The following LATS1 variants were observed in gnomAD, a reference collection of about 807,000 sequenced individuals.
LATS1 encodes large tumor suppressor kinase 1, also known as serine/threonine-protein kinase LATS1.
Under a neutral mutation model 106.6 loss-of-function variants are expected in LATS1, and 25 were observed. The observed-to-expected ratio is 0.23, with a 90% CI of 0.17 to 0.33. LATS1 has a LOEUF of 0.33. Among genes scored for constraint, LATS1 ranks in the 10% least tolerant of loss-of-function variants. The probability of loss-of-function intolerance (pLI) is 1.00; values close to 1 mark genes in which losing one functional copy is unlikely to be tolerated. For synonymous variants in LATS1, 465 were observed against 455.6 expected, an observed-to-expected ratio of 1.02 and a Z score of -0.26; for missense variants, 1,040 against 1,382.6, an observed-to-expected ratio of 0.75 and a Z score of 3.93.
At chr6:149,680,506 G>A in intron 4 of LATS1, 49 bp from the exon 5 acceptor site, 2 of 1,282,372 alleles carry the variant, frequency 1.6e-6, no homozygotes. Flanking sequence ...CTTCAATATT[G>A]AATATTAAGA....
Position 149,658,443 on chromosome 6 carries a change from G to A in LATS1, c.*3286C>T, listed in dbSNP as rs1231851395. ...TGCCTTCCACAAAGGGATATATTAA[G>A]GCGCTTTACAAATATACCAATATTT... On this transcript the variant is annotated 3_prime_UTR_variant, in exon 8 of 8. Coordinates refer to ENST00000543571, the MANE Select transcript of LATS1 (RefSeq NM_004690.4). 2 of 151,998 alleles carry A rather than the reference G, an allele frequency of 1.3e-5. No homozygotes were observed. The highest frequency in any genetic ancestry group is 4.8e-5 in the African/African-American group (2 of 41,396). The allele number at this position is 151,998 out of a possible 1,614,324, so 9.4% of individuals were successfully genotyped here. A position where few individuals can be genotyped will look rare whatever the true frequency, so the allele number is the denominator to read the frequency against.
intron 7 of LATS1, among the ~76,000 whole-genome samples, chr6:149,665,530 T>C (rs1206891950): frequency 6.6e-6 from 1 of 151,976 alleles, no homozygotes; most frequent in African/African-American, 2.4e-5. Context: ...GAGAACTAAA[T>C]AGGGAGCCCC....
intron 2 of LATS1, chr6:149,696,952 C>T (rs959869755): frequency 2.3e-6 from 1 of 427,576 alleles, no homozygotes; most frequent in Non-Finnish European, 4.7e-6. Context: ...ATGTAAACTA[C>T]CAAGCACAGT....
In LATS1 at chr6:149,718,066, GC is replaced by G; in HGVS notation, c.-359del. ...CCACCGCCGCCGCCGCCGCCATTTT[GC>G]CTTCCACTCAGTGTCGCCGCCGCCG... On this transcript the variant is annotated 5_prime_UTR_variant, in exon 1 of 8. Coordinates refer to ENST00000543571, the MANE Select transcript of LATS1 (RefSeq NM_004690.4). 3.1e-6 allele frequency: 1 copy of G among 321,532 alleles called. No individual in the cohort carries two copies. Among genetic ancestry groups the G allele is most frequent in the Non-Finnish European group, 6.0e-6 (1 of 165,778 alleles). The allele number at this position is 321,532 out of a possible 1,614,324, so 19.9% of individuals were successfully genotyped here. A position where few individuals can be genotyped will look rare whatever the true frequency, so the allele number is the denominator to read the frequency against.
At chr6:149,706,001 T>A (rs905935693) in intron 1 of LATS1, among the ~76,000 whole-genome samples, 1 of 150,912 alleles carries the variant, frequency 6.6e-6, no homozygotes, top group African/African-American at 2.4e-5. Context: ...CTGACCAACA[T>A]GGAGAAACCC....
intron 1 of LATS1, among the ~76,000 whole-genome samples, chr6:149,707,720 G>C (rs765157555): frequency 2.0e-5 from 3 of 152,148 alleles, no homozygotes; most frequent in Non-Finnish European, 4.4e-5. Flanking sequence ...GAAAATACTT[G>C]TGGATAAAAT....
chr6:149,692,991 G>A (rs1782855147), intron 3 of LATS1, among the ~76,000 whole-genome samples: 1 of 151,884 alleles, frequency 6.6e-6, no homozygotes, highest in South Asian at 2.1e-4. Flanking sequence ...CAGGCCAGGT[G>A]TGGTGGCTCA....
intron 1 of LATS1, 128 bp downstream of exon 1, chr6:149,717,721 G>A (rs370521414): frequency 3.2e-5 from 7 of 216,634 alleles, no homozygotes; most frequent in South Asian, 8.7e-5. Flanking sequence ...CCCGGAGCGG[G>A]CCGGCTCTGC....
chr6:149,687,683 T>G (rs1027978864), intron 3 of LATS1, among the ~76,000 whole-genome samples: 1 of 152,092 alleles, frequency 6.6e-6, no homozygotes, highest in African/African-American at 2.4e-5. Context: ...TCCTCCTTCC[T>G]CAGCCTCCCA....
intron 7 of LATS1, among the ~76,000 whole-genome samples, chr6:149,671,571 T>G (rs576722438): frequency 6.6e-6 from 1 of 152,154 alleles, no homozygotes; most frequent in East Asian, 1.9e-4. Flanking sequence ...TTCTATATTC[T>G]CTTCCATTGA....
At chr6:149,664,718 TA>T (rs945805083) in intron 7 of LATS1, among the ~76,000 whole-genome samples, 9 of 152,214 alleles carry the variant, frequency 5.9e-5, no homozygotes, top group South Asian at 2.1e-4. Context: ...GGTGACCATT[TA>T]AAAAAAATTA....
chr6:149,700,993 G>C (rs1783425721), intron 2 of LATS1, among the ~76,000 whole-genome samples: 1 of 152,186 alleles, frequency 6.6e-6, no homozygotes, highest in Non-Finnish European at 1.5e-5. Flanking sequence ...ATGTTGGTTA[G>C]GCTGGTCTGG....
At chr6:149,672,314 A>T (rs1307443860) in intron 7 of LATS1, among the ~76,000 whole-genome samples, 1 of 151,202 alleles carries the variant, frequency 6.6e-6, no homozygotes, top group Admixed American at 6.6e-5. Flanking sequence ...GGTTCAAGTG[A>T]TTCTCCTCCC....
At chr6:149,670,294 C>T (rs957891279) in intron 7 of LATS1, among the ~76,000 whole-genome samples, 2 of 150,958 alleles carry the variant, frequency 1.3e-5, no homozygotes, top group Non-Finnish European at 1.5e-5. Flanking sequence ...TAGTAAAAAC[C>T]ACAGTAGAAG....
chr6:149,676,622 C>G lies in LATS1; in HGVS notation c.2709G>C (p.Gln903His), dbSNP rs764927210. 1 of 1,614,134 alleles carries G rather than the reference C, an allele frequency of 6.2e-7. No individual in the cohort carries two copies. Residue 903 changes from glutamine (Q) to histidine (H), a missense_variant, in exon 6 of 8, where the codon CAG (glutamine) becomes CAC (histidine). Physicochemically the swap from Gln to His is conservative, Grantham distance 24. This residue lies in a region of LATS1 where 63 missense variants were observed against 64.3 expected (regional missense o/e 0.98). Coordinates refer to ENST00000543571, the MANE Select transcript of LATS1 (RefSeq NM_004690.4). ...PLERRAARQH[Q>H]RCLAHSLVGT... ...CAACCAAAGAATGTGCTAGACATCGCTGGTGCTGGCGTGCAGCTCTCCGCT... is the reference window on the plus strand; with the variant it reads ...CAACCAAAGAATGTGCTAGACATCGGTGGTGCTGGCGTGCAGCTCTCCGCT...
chr6:149,699,804 C>T (rs956123189), intron 2 of LATS1, among the ~76,000 whole-genome samples: 1 of 152,124 alleles, frequency 6.6e-6, no homozygotes, highest in Non-Finnish European at 1.5e-5. Context: ...GGGTGGGGTG[C>T]ACACATAGTA....
In LATS1 at chr6:149,658,485, T is replaced by A. The variant is rs967067206; in HGVS notation, c.*3244A>T. On this transcript the variant is annotated 3_prime_UTR_variant, in exon 8 of 8. Transcript: ENST00000543571. ...CCAATATTTTGACCCAAATTACTTT[T>A]TGCTTTAGATTAAAATGAACAGGCT... 1 of 152,204 alleles carries A rather than the reference T, an allele frequency of 6.6e-6. No individual in the cohort carries two copies. The highest frequency in any genetic ancestry group is 1.5e-5 in the Non-Finnish European group (1 of 68,012). The allele number at this position is 152,204 out of a possible 1,614,324, so 9.4% of individuals were successfully genotyped here.
chr6:149,699,629 TG>T (rs1562348746), intron 2 of LATS1, among the ~76,000 whole-genome samples: 1 of 152,190 alleles, frequency 6.6e-6, no homozygotes, highest in Non-Finnish European at 1.5e-5. Context: ...AGCACTTCAA[TG>T]AAAAAAAGCA....
intron 3 of LATS1, among the ~76,000 whole-genome samples, chr6:149,690,275 G>A (rs1307028713): frequency 2.7e-5 from 4 of 146,582 alleles, no homozygotes; most frequent in African/African-American, 1.0e-4. Context: ...GTGCAATGGC[G>A]CGATCTCGGC....
Sources: allele counts gnomAD v4.1 joint callset (sites outside exome capture counted in the v4.1 genomes callset), GRCh38; gene constraint gnomAD v4.1.1; regional missense constraint gnomAD v4.1.1; transcripts MANE v1.5; gene names NCBI Gene and HGNC (gene_info 2026-07-23, HGNC 2026-07-21).